MAP3K5: variants seen among roughly 807,000 people sequenced by gnomAD.
The protein encoded by MAP3K5 is ASK-1.
MAP3K5 carries 56 observed loss-of-function variants against 158.7 expected under a neutral mutation model. The observed-to-expected ratio is 0.35, with a 90% CI of 0.28 to 0.44. The LOEUF is 0.44. Ranked by LOEUF, MAP3K5 falls within the 20% of genes least tolerant of loss-of-function variation. The probability of loss-of-function intolerance (pLI) is 1.00; values close to 1 mark genes in which losing one functional copy is unlikely to be tolerated. For missense variants in MAP3K5, 1,294 were observed against 1,674.8 expected, an observed-to-expected ratio of 0.77 and a Z score of 3.97; for synonymous variants, 579 against 601.7, an observed-to-expected ratio of 0.96 and a Z score of 0.55.
chr6:136,660,550 G>A (rs1048154618), intron 8 of MAP3K5, among the ~76,000 whole-genome samples: 2 of 151,954 alleles, frequency 1.3e-5, no homozygotes, highest in Non-Finnish European at 2.9e-5. Context: ...GCACTTCTAT[G>A]TTCTTAATGT....
chr6:136,678,986 G>A (rs926615477), intron 7 of MAP3K5, among the ~76,000 whole-genome samples: 3 of 151,972 alleles, frequency 2.0e-5, no homozygotes, highest in African/African-American at 4.8e-5. Flanking sequence ...TCGGCCTCCC[G>A]AAGTGCTGCG....
Position 136,711,711 on chromosome 6 carries a change from C to T in MAP3K5, c.589-6578G>A, listed in dbSNP as rs116324437. On this transcript the variant is annotated intron_variant, in intron 2 of 29. Transcript: ENST00000359015. ...AGAAAGAAAAAAGAAAAAGAAAATACCTTCTATCTCTCCAATCCAAATAAT... is the reference window on the plus strand; with the variant it reads ...AGAAAGAAAAAAGAAAAAGAAAATATCTTCTATCTCTCCAATCCAAATAAT... Among the ~76,000 whole-genome samples the T allele has an allele frequency of 8.1e-3, 1,222 of 151,726 alleles. 11 individuals are homozygous for T. The highest frequency in any genetic ancestry group is 0.027 in the African/African-American group (1,129 of 41,378).
intron 1 of MAP3K5, among the ~76,000 whole-genome samples, chr6:136,789,272 T>G: frequency 6.6e-6 from 1 of 152,238 alleles, no homozygotes; most frequent in East Asian, 1.9e-4. Context: ...ATCATGCCAC[T>G]GCACTCCAGG....
At chr6:136,601,729 C>T (rs182687818) in intron 20 of MAP3K5, 73 bp downstream of exon 20, 54 of 1,418,022 alleles carry the variant, frequency 3.8e-5, no homozygotes, top group African/African-American at 1.9e-4. Flanking sequence ...AGTTTACTTC[C>T]GGAAAATTCT....
chr6:136,670,792 C>A (rs191813628), intron 7 of MAP3K5, among the ~76,000 whole-genome samples: 2 of 152,200 alleles, frequency 1.3e-5, no homozygotes, highest in East Asian at 3.9e-4. Flanking sequence ...GCAAAAATAA[C>A]TATGAATCTT....
At chr6:136,697,494 G>T in intron 4 of MAP3K5, 107 bp from the exon 5 acceptor site, 1 of 900,528 alleles carries the variant, frequency 1.1e-6, no homozygotes, top group Non-Finnish European at 1.6e-6. Flanking sequence ...TAGCTATAAA[G>T]CATTTGTAGT....
intron 7 of MAP3K5, among the ~76,000 whole-genome samples, chr6:136,681,610 G>T (rs1388318962): frequency 6.6e-6 from 1 of 152,134 alleles, no homozygotes; most frequent in Non-Finnish European, 1.5e-5. Flanking sequence ...TCCAGCCTAG[G>T]TGACAGAGCG....
intron 1 of MAP3K5, among the ~76,000 whole-genome samples, chr6:136,730,663 A>G (rs566533653): frequency 6.7e-6 from 1 of 150,022 alleles, no homozygotes; most frequent in East Asian, 2.0e-4. Context: ...CAGAGCTTGC[A>G]GTGAGCCAAG....
At chr6:136,789,158 A>C (rs761223571) in intron 1 of MAP3K5, among the ~76,000 whole-genome samples, 1 of 152,082 alleles carries the variant, frequency 6.6e-6, no homozygotes, top group Non-Finnish European at 1.5e-5. Context: ...AAATAAAATA[A>C]AATTAGCCCA....
At chr6:136,789,938 C>T (rs914882635) in intron 1 of MAP3K5, among the ~76,000 whole-genome samples, 1 of 151,948 alleles carries the variant, frequency 6.6e-6, no homozygotes. Flanking sequence ...GTGATCCACC[C>T]GCCTTGGCCT....
At chr6:136,709,563 G>C (rs1446338819) in intron 2 of MAP3K5, among the ~76,000 whole-genome samples, 1 of 152,086 alleles carries the variant, frequency 6.6e-6, no homozygotes, top group Non-Finnish European at 1.5e-5. Flanking sequence ...GGCAGGGAAG[G>C]GAGCAGTGGT....
chr6:136,594,469 GAA>G (rs1463517484), intron 21 of MAP3K5, among the ~76,000 whole-genome samples: 2 of 152,316 alleles, frequency 1.3e-5, no homozygotes, highest in Non-Finnish European at 2.9e-5. Context: ...CTGCTTGGGA[GAA>G]AGAGTTTCAC....
chr6:136,622,778 G>T, intron 15 of MAP3K5, 70 bp downstream of exon 15: 1 of 1,491,340 alleles, frequency 6.7e-7, no homozygotes, highest in Non-Finnish European at 9.2e-7. Flanking sequence ...ATATCATCAA[G>T]TATTTTCTAA....
intron 14 of MAP3K5, among the ~76,000 whole-genome samples, chr6:136,633,471 G>C (rs1029864903): frequency 6.6e-6 from 1 of 151,598 alleles, no homozygotes; most frequent in African/African-American, 2.4e-5. Context: ...AAGGAATGAA[G>C]TCATCTTAGC....
At chr6:136,779,478 AC>A (rs1784527837) in intron 1 of MAP3K5, among the ~76,000 whole-genome samples, 1 of 151,420 alleles carries the variant, frequency 6.6e-6, no homozygotes, top group Non-Finnish European at 1.5e-5. Flanking sequence ...ATAAGGTCAT[AC>A]ATATAGTGTG....
At chr6:136,662,360 T>A (rs1309894213) in intron 8 of MAP3K5, among the ~76,000 whole-genome samples, 1 of 152,264 alleles carries the variant, frequency 6.6e-6, no homozygotes, top group African/African-American at 2.4e-5. Context: ...AGATTGGCTC[T>A]CTTTTCATGT....
In MAP3K5 at chr6:136,557,534, T is replaced by A. The variant is rs1430083561; in HGVS notation, c.*224A>T. The A allele has an allele frequency of 6.8e-6, 3 of 442,510 alleles. No individual in the cohort carries two copies. Among genetic ancestry groups the A allele is most frequent in the Non-Finnish European group, 1.2e-5 (3 of 247,912 alleles). 27.4% of individuals were successfully genotyped at this position (442,510 alleles called of 1,614,324 possible). ...AACATTAGGGTTCTAATGTTCAGGA[T>A]TATTTTAAGAGTCCTTATGAAGAGT... On this transcript the variant is annotated 3_prime_UTR_variant, in exon 30 of 30. Transcript: ENST00000359015.
intron 1 of MAP3K5, among the ~76,000 whole-genome samples, chr6:136,725,416 C>G (rs183133527): frequency 6.3e-4 from 96 of 152,262 alleles, no homozygotes; most frequent in African/African-American, 1.9e-3. Flanking sequence ...TGTAGTGGTA[C>G]TTCGTTATGG....
chr6:136,563,765 T>G (rs903940413), intron 26 of MAP3K5, among the ~76,000 whole-genome samples: 2 of 152,242 alleles, frequency 1.3e-5, no homozygotes, highest in Admixed American at 6.5e-5. Context: ...TTTAGAAAAG[T>G]ATCTTAATGT....
Sources: gnomAD v4.1 joint callset for allele counts (sites outside exome capture counted in the v4.1 genomes callset) on GRCh38, gnomAD v4.1.1 for gene constraint, MANE v1.5 for transcripts, NCBI Gene and HGNC (gene_info 2026-07-23, HGNC 2026-07-21) for gene names.